FBXO11: variants seen among roughly 807,000 people sequenced by gnomAD.
The protein encoded by FBXO11 is F-box protein 11.
In FBXO11, 13 loss-of-function variants were observed where a neutral mutation model predicts 117.0. The observed-to-expected ratio is 0.11, with a 90% CI of 0.07 to 0.18. The LOEUF (loss-of-function observed/expected upper bound fraction) is 0.18. Ranked by LOEUF, FBXO11 falls within the 10% of genes least tolerant of loss-of-function variation. FBXO11 has a pLI of 1.00. For missense variants in FBXO11, 767 were observed against 1,164.4 expected (o/e 0.66, Z 4.97); for synonymous variants, 490 against 380.5 (o/e 1.29, Z -3.35).
intron 1 of FBXO11, among the ~76,000 whole-genome samples, chr2:47,875,976 A>G (rs889406417): frequency 3.3e-5 from 5 of 152,188 alleles, no homozygotes; most frequent in Non-Finnish European, 5.9e-5. Flanking sequence ...CTTTATATGT[A>G]TTTCACTTAA....
In FBXO11 at chr2:47,807,415, A is replaced by ATTT. The variant is rs1670295726; in HGVS notation, c.*702_*703insAAA. ...CTAGGGGTGATTTTGAATGCTGCAC[A>ATTT]GGGAAGGGAAGGAAATAATAGTCTT... is the stretch of plus-strand genomic sequence containing the variant. On this transcript the variant is annotated 3_prime_UTR_variant, in exon 23 of 23. Coordinates refer to ENST00000403359, the MANE Select transcript of FBXO11 (RefSeq NM_001190274.2). 9.7e-6 allele frequency: 2 copies of ATTT among 205,900 alleles called. No homozygotes were observed. Among genetic ancestry groups the ATTT allele is most frequent in the Non-Finnish European group, 2.0e-5 (2 of 100,654 alleles). 12.8% of individuals were successfully genotyped at this position (205,900 alleles called of 1,614,324 possible). A position where few individuals can be genotyped will look rare whatever the true frequency, so the allele number is the denominator to read the frequency against.
chr2:47,811,882 C>T (rs1670638892), intron 18 of FBXO11, among the ~76,000 whole-genome samples: 1 of 152,206 alleles, frequency 6.6e-6, no homozygotes, highest in South Asian at 2.1e-4. Context: ...GCTGGAAGTA[C>T]AGGTGTGAGC....
intron 4 of FBXO11, among the ~76,000 whole-genome samples, chr2:47,838,419 T>G (rs1314903020): frequency 6.8e-6 from 1 of 146,760 alleles, no homozygotes; most frequent in Non-Finnish European, 1.5e-5. Flanking sequence ...AAAAAACTTT[T>G]CAGAAGTAGA....
chr2:47,817,813 A>T (rs1572774033), intron 16 of FBXO11, among the ~76,000 whole-genome samples: 1 of 152,376 alleles, frequency 6.6e-6, no homozygotes, highest in East Asian at 1.9e-4. Context: ...TCTTGGGCGC[A>T]GTTAATGGTG....
rs927712612 is a variant in FBXO11, at chr2:47,906,482, G to A, written c.-762C>T. ...GGCAGGAGGAGCCATTGACACCGCC[G>A]GAGCCTCCACTCGCCCAGTCGGTCC... On this transcript the variant is annotated 5_prime_UTR_variant, in exon 1 of 23. Coordinates refer to ENST00000403359, the MANE Select transcript of FBXO11 (RefSeq NM_001190274.2). Among the ~76,000 whole-genome samples, 2 of 151,584 alleles carry A rather than the reference G, an allele frequency of 1.3e-5. No individual in the cohort carries two copies. Among genetic ancestry groups the A allele is most frequent in the Non-Finnish European group, 2.9e-5 (2 of 67,840 alleles).
intron 13 of FBXO11, 51 bp from the exon 14 acceptor site, chr2:47,820,507 C>T (rs755319749): frequency 3.5e-6 from 5 of 1,409,318 alleles, no homozygotes; most frequent in Admixed American, 1.8e-5. Flanking sequence ...CTAGAGAATA[C>T]AGTAAGGATT....
At chr2:47,849,950 G>T (rs62139916) in intron 1 of FBXO11, among the ~76,000 whole-genome samples, 27,691 of 152,104 alleles carry the variant, frequency 0.18, 3,546 homozygotes, top group East Asian at 0.57. Context: ...GTATTAAAAA[G>T]AACAGTAATG....
intron 11 of FBXO11, among the ~76,000 whole-genome samples, chr2:47,830,659 A>G (rs184159192): frequency 6.6e-6 from 1 of 152,316 alleles, no homozygotes; most frequent in African/African-American, 2.4e-5. Flanking sequence ...CATTGTCTAG[A>G]CTTATTTTTA....
At chr2:47,864,852 T>C (rs1005127846) in intron 1 of FBXO11, among the ~76,000 whole-genome samples, 4 of 152,146 alleles carry the variant, frequency 2.6e-5, no homozygotes, top group African/African-American at 7.2e-5. Context: ...ACATGTATTA[T>C]AATAGTCTAT....
chr2:47,868,963 C>A (rs1675406065), intron 1 of FBXO11, among the ~76,000 whole-genome samples: 2 of 152,226 alleles, frequency 1.3e-5, no homozygotes, highest in Non-Finnish European at 2.9e-5. Context: ...ACCCCGTTCC[C>A]AGCATCCTGA....
At chr2:47,892,019 T>A (rs1439014141) in intron 1 of FBXO11, among the ~76,000 whole-genome samples, 1 of 152,196 alleles carries the variant, frequency 6.6e-6, no homozygotes, top group East Asian at 1.9e-4. Flanking sequence ...GGAGATTAAC[T>A]CCTTATCAGA....
chr2:47,894,708 T>C (rs1226995501), intron 1 of FBXO11, among the ~76,000 whole-genome samples: 1 of 152,128 alleles, frequency 6.6e-6, no homozygotes, highest in East Asian at 1.9e-4. Context: ...TTGCAAAAAC[T>C]TAAAATTAAA....
intron 1 of FBXO11, chr2:47,883,549 A>G: frequency 2.7e-6 from 1 of 366,576 alleles, no homozygotes; most frequent in Non-Finnish European, 5.5e-6. Flanking sequence ...AAGATCCAGG[A>G]TAAGGAAGAA....
At chr2:47,864,526 G>A (rs1000397397) in intron 1 of FBXO11, among the ~76,000 whole-genome samples, 9 of 152,182 alleles carry the variant, frequency 5.9e-5, no homozygotes, top group Non-Finnish European at 1.0e-4. Flanking sequence ...GGCAGAGGTT[G>A]CAGTGAGCCA....
intron 7 of FBXO11, among the ~76,000 whole-genome samples, chr2:47,833,835 T>C (rs1171996078): frequency 6.6e-6 from 1 of 152,128 alleles, no homozygotes; most frequent in East Asian, 1.9e-4. Flanking sequence ...TGGCTAATTT[T>C]TTTTGTATTT....
rs1678781812 is a variant in FBXO11, at chr2:47,905,915, GGAGACCGAGC to G, written c.-205_-196del. 1.7e-6 allele frequency: 1 copy of G among 598,008 alleles called. No homozygotes were observed. Among genetic ancestry groups the G allele is most frequent in the African/African-American group, 2.0e-5 (1 of 51,142 alleles). The allele number at this position is 598,008 out of a possible 1,614,324, so 37.0% of individuals were successfully genotyped here. On this transcript the variant is annotated 5_prime_UTR_variant, in exon 1 of 23. Transcript: ENST00000403359. ...CGGAGAAAGGCCCGGGTAGACAGACGGAGACCGAGCGAGGCCGGCCGGGAGGGCCTGACGC... is the reference window on the plus strand; with the variant it reads ...CGGAGAAAGGCCCGGGTAGACAGACGGAGGCCGGCCGGGAGGGCCTGACGC...
chr2:47,822,788 T>C (rs552792621), intron 12 of FBXO11, among the ~76,000 whole-genome samples: 1 of 152,316 alleles, frequency 6.6e-6, no homozygotes, highest in South Asian at 2.1e-4. Context: ...ATTATTCTAT[T>C]TGCTAACTTC....
chr2:47,814,128 T>TC, intron 16 of FBXO11: 1 of 347,288 alleles, frequency 2.9e-6, no homozygotes, highest in South Asian at 3.4e-5. Flanking sequence ...TGACATATAT[T>TC]CCCCTCATAT....
At chr2:47,823,699 G>C (rs1671542625) in intron 11 of FBXO11, among the ~76,000 whole-genome samples, 1 of 152,032 alleles carries the variant, frequency 6.6e-6, no homozygotes, top group Admixed American at 6.6e-5. Flanking sequence ...GTTGCAGTGA[G>C]CCGAGATTGC....
Sources: allele counts gnomAD v4.1 joint callset (sites outside exome capture counted in the v4.1 genomes callset), GRCh38; gene constraint gnomAD v4.1.1; transcripts MANE v1.5; gene names NCBI Gene and HGNC (gene_info 2026-07-23, HGNC 2026-07-21).